FAM151B: variants seen among roughly 807,000 people sequenced by gnomAD.
FAM151B encodes the protein family with sequence similarity 151 member B.
A neutral mutation model predicts 31.2 loss-of-function variants in FAM151B; 24 were observed. The ratio of observed to expected loss-of-function variants is 0.77; its 90% confidence interval spans 0.56 to 1.08. FAM151B has a LOEUF of 1.08. Among genes scored for constraint, FAM151B ranks in the 50% least tolerant of loss-of-function variants. The probability of loss-of-function intolerance (pLI) is 0.00; values close to 1 mark genes in which losing one functional copy is unlikely to be tolerated. For missense variants in FAM151B, 293 were observed against 328.6 expected, an observed-to-expected ratio of 0.89 and a Z score of 0.84; for synonymous variants, 105 against 111.4, an observed-to-expected ratio of 0.94 and a Z score of 0.36.
At chr5:80,522,792 A>G (rs916816464) in intron 5 of FAM151B, among the ~76,000 whole-genome samples, 11 of 152,184 alleles carry the variant, frequency 7.2e-5, no homozygotes, top group Admixed American at 5.9e-4. Flanking sequence ...TCTTTTTTAT[A>G]TAAAAGTTTT....
intron 5 of FAM151B, among the ~76,000 whole-genome samples, chr5:80,535,448 C>T (rs1745448454): frequency 6.6e-6 from 1 of 152,134 alleles, no homozygotes; most frequent in African/African-American, 2.4e-5. Context: ...CAAATGCACA[C>T]ACCTACAGTG....
chr5:80,499,007 C>T, intron 1 of FAM151B: 1 of 160,692 alleles, frequency 6.2e-6, no homozygotes, highest in Non-Finnish European at 1.3e-5. Context: ...CCACAGATGG[C>T]AGATGGAAAA....
chr5:80,512,611 C>T (rs1309839521), intron 2 of FAM151B, among the ~76,000 whole-genome samples: 1 of 68,112 alleles, frequency 1.5e-5, no homozygotes. Context: ...CCTGTCTCTA[C>T]AACAGATATT....
intron 2 of FAM151B, among the ~76,000 whole-genome samples, chr5:80,504,623 C>T (rs935791132): frequency 6.8e-6 from 1 of 147,254 alleles, no homozygotes; most frequent in Non-Finnish European, 1.5e-5. Context: ...CGGGTTCAAG[C>T]CATCCTCCTG....
chr5:80,505,398 T>A (rs577325462), intron 2 of FAM151B, among the ~76,000 whole-genome samples: 3 of 145,630 alleles, frequency 2.1e-5, no homozygotes, highest in East Asian at 1.9e-4. Context: ...TGAGTTCTTT[T>A]TTTTTTTCTT....
intron 2 of FAM151B, among the ~76,000 whole-genome samples, chr5:80,504,727 C>T (rs575588758): frequency 1.3e-5 from 2 of 152,056 alleles, no homozygotes; most frequent in East Asian, 3.9e-4. Context: ...ACCATGTTGG[C>T]TAGGATGGTC....
chr5:80,496,825 T>C (rs1260792225), intron 1 of FAM151B, among the ~76,000 whole-genome samples: 1 of 140,662 alleles, frequency 7.1e-6, no homozygotes, highest in East Asian at 2.1e-4. Flanking sequence ...TTTTTTTTTT[T>C]TTTGAGACGG....
intron 5 of FAM151B, among the ~76,000 whole-genome samples, chr5:80,529,320 T>G (rs988382665): frequency 4.3e-4 from 66 of 152,044 alleles, no homozygotes; most frequent in African/African-American, 1.5e-3. Context: ...ACATCACAAT[T>G]AAAAGAACTA....
In FAM151B at chr5:80,509,346, A is replaced by G. The variant is rs114530024; in HGVS notation, c.152-4258A>G. 4.6e-3 allele frequency among the ~76,000 whole-genome samples: 704 copies of G among 152,216 alleles called. 4 individuals are homozygous for G. Among genetic ancestry groups the G allele is most frequent in the Non-Finnish European group, 7.2e-3 (489 of 68,010 alleles). On this transcript the variant is annotated intron_variant, in intron 2 of 5. Coordinates refer to ENST00000282226, the MANE Select transcript of FAM151B (RefSeq NM_205548.3). ...ATTAGGCCATGAGGGGTCCACCTTC[A>G]TGGGTGGGTTTAATGCCATATTTAA...
chr5:80,496,006 G>A (rs1743525107), intron 1 of FAM151B, among the ~76,000 whole-genome samples: 1 of 152,196 alleles, frequency 6.6e-6, no homozygotes, highest in Non-Finnish European at 1.5e-5. Context: ...TACTTCTGGT[G>A]AAGATGCTGT....
intron 5 of FAM151B, among the ~76,000 whole-genome samples, chr5:80,538,393 TTTC>T (rs1449893762): frequency 4.0e-5 from 2 of 50,308 alleles, no homozygotes; most frequent in African/African-American, 1.1e-4. Flanking sequence ...TCTTTCTTTC[TTTC>T]TTTCTTTCTT....
intron 2 of FAM151B, among the ~76,000 whole-genome samples, chr5:80,509,662 T>C (rs1744109701): frequency 6.6e-6 from 1 of 152,258 alleles, no homozygotes; most frequent in Admixed American, 6.5e-5. Flanking sequence ...ACAGTTTTAT[T>C]TTCAAATTCA....
chr5:80,518,253 A>C (rs554822727), intron 3 of FAM151B, among the ~76,000 whole-genome samples: 4 of 152,200 alleles, frequency 2.6e-5, no homozygotes, highest in South Asian at 4.1e-4. Context: ...AAGAAATCAG[A>C]GTCCTTTTTG....
In FAM151B at chr5:80,538,505, T is replaced by TCC. The variant is rs1561383919; in HGVS notation, c.672-3168_672-3167insCC. Among the ~76,000 whole-genome samples, 102 of 107,040 alleles carry TCC rather than the reference T, an allele frequency of 9.5e-4. 1 individual carries two copies. Among genetic ancestry groups the TCC allele is most frequent in the Admixed American group, 1.5e-3 (14 of 9,472 alleles). The allele number at this position is 107,040 out of a possible 152,430, so 70.2% of individuals were successfully genotyped here. A position where few individuals can be genotyped will look rare whatever the true frequency, so the allele number is the denominator to read the frequency against. Reference sequence around the variant, plus strand: ...TTCTTTCCTTCCTTCCTTCCTTTCTTTTCTTTCTTTCCTTCCTTCCTTCCT... The same window carrying TCC: ...TTCTTTCCTTCCTTCCTTCCTTTCTTCCTTCTTTCTTTCCTTCCTTCCTTCCT... On this transcript the variant is annotated intron_variant, in intron 5 of 5. Coordinates refer to ENST00000282226, the MANE Select transcript of FAM151B (RefSeq NM_205548.3).
At chr5:80,499,885 C>G (rs1482198493) in intron 1 of FAM151B, 2 of 149,160 alleles carry the variant, frequency 1.3e-5, no homozygotes, top group African/African-American at 2.5e-5. Flanking sequence ...TATAACTCAG[C>G]AATCCCTTTT....
At chr5:80,511,148 A>G (rs1250691973) in intron 2 of FAM151B, 1 of 152,128 alleles carries the variant, frequency 6.6e-6, no homozygotes, top group African/African-American at 2.4e-5. Context: ...ATGAATCTGA[A>G]TGTATCCTCC....
At chr5:80,524,214 G>A (rs1744849492) in intron 5 of FAM151B, among the ~76,000 whole-genome samples, 1 of 151,998 alleles carries the variant, frequency 6.6e-6, no homozygotes. Flanking sequence ...AGATAATCAT[G>A]TGCACAAGTA....
At chr5:80,540,154 C>T (rs1407678745) in intron 5 of FAM151B, among the ~76,000 whole-genome samples, 1 of 152,112 alleles carries the variant, frequency 6.6e-6, no homozygotes, top group Non-Finnish European at 1.5e-5. Flanking sequence ...TCTTCTGATC[C>T]AGAAAACTCT....
At chr5:80,492,080 G>A (rs192770547) in intron 1 of FAM151B, among the ~76,000 whole-genome samples, 179 of 152,274 alleles carry the variant, frequency 1.2e-3, no homozygotes, top group African/African-American at 4.1e-3. Context: ...GCAACACTGT[G>A]ATTCCGTATG....
Sources: allele counts gnomAD v4.1 joint callset (sites outside exome capture counted in the v4.1 genomes callset), GRCh38; gene constraint gnomAD v4.1.1; transcripts MANE v1.5; gene names NCBI Gene and HGNC (gene_info 2026-07-23, HGNC 2026-07-21).